Variants in ARHGEF38 observed in about 807,000 individuals in gnomAD.
ARHGEF38 encodes the protein Rho guanine nucleotide exchange factor 38, also known as Rho guanine nucleotide exchange factor (GEF) 38.
In ARHGEF38, 79 loss-of-function variants were observed where a neutral mutation model predicts 79.9. The observed-to-expected ratio is 0.99, with a 90% confidence interval of 0.82 to 1.19. ARHGEF38 has a LOEUF of 1.19. ARHGEF38 is among the 50% of genes most tolerant of loss of function. ARHGEF38 has a pLI of 0.00. For missense variants in ARHGEF38, 962 were observed against 907.2 expected, an observed-to-expected ratio of 1.06 and a Z score of -0.78; for synonymous variants, 366 against 328.3, an observed-to-expected ratio of 1.11 and a Z score of -1.24.
At position 105,654,186 on chromosome 4, in the gene ARHGEF38, T is replaced by A. The variant is rs748481386; in HGVS notation, c.1113+17T>A. On this transcript the variant is annotated intron_variant, in intron 8 of 13. Transcript: ENST00000420470. The stretch of plus-strand genomic sequence containing the variant: ...CACATACAGGTAGGTGAGACACAAC[T>A]GTTTTCAGTGTTCTACAGGAACATC... 7.3e-7 allele frequency: 1 copy of A among 1,363,658 alleles called. No individual in the cohort carries two copies. Among genetic ancestry groups the A allele is most frequent in the Non-Finnish European group, 9.9e-7 (1 of 1,014,610 alleles). 84.5% of individuals were successfully genotyped at this position (1,363,658 alleles called of 1,614,324 possible).
intron 4 of ARHGEF38, chr4:105,631,274 T>G: frequency 1.7e-6 from 2 of 1,173,076 alleles, no homozygotes; most frequent in Non-Finnish European, 2.1e-6. Context: ...TTTAGAGCTC[T>G]GCAGCGATTG....
chr4:105,656,205 C>T (rs866163386), intron 9 of ARHGEF38, among the ~76,000 whole-genome samples: 1 of 152,022 alleles, frequency 6.6e-6, no homozygotes, highest in Admixed American at 6.6e-5. Context: ...AAGGGGCACA[C>T]CACCACACCT....
chr4:105,585,726 C>CTTTTCTTT (rs1727003871), intron 1 of ARHGEF38, among the ~76,000 whole-genome samples: 1 of 71,504 alleles, frequency 1.4e-5, no homozygotes, highest in Admixed American at 2.6e-4. Flanking sequence ...CCCTCCGTTG[C>CTTTTCTTT]TTTTTTTTTT....
chr4:105,639,402 C>T (rs977278478), intron 5 of ARHGEF38, among the ~76,000 whole-genome samples: 8 of 151,846 alleles, frequency 5.3e-5, no homozygotes, highest in African/African-American at 1.9e-4. Flanking sequence ...TTTAAATAGA[C>T]ATCATTTTTT....
At chr4:105,559,609 A>T (rs1467063926) in intron 1 of ARHGEF38, among the ~76,000 whole-genome samples, 1 of 152,178 alleles carries the variant, frequency 6.6e-6, no homozygotes, top group Non-Finnish European at 1.5e-5. Flanking sequence ...GATTGTTATA[A>T]AATATATTTA....
chr4:105,609,797 A>T (rs1370288718), intron 2 of ARHGEF38, among the ~76,000 whole-genome samples: 1 of 152,112 alleles, frequency 6.6e-6, no homozygotes. Flanking sequence ...TTGCCAGTTG[A>T]AACACTGGCC....
intron 2 of ARHGEF38, among the ~76,000 whole-genome samples, chr4:105,611,404 T>C (rs1231250356): frequency 1.3e-5 from 2 of 152,168 alleles, no homozygotes; most frequent in East Asian, 3.9e-4. Context: ...AGAGTTATTA[T>C]ACCTTTGTGG....
intron 2 of ARHGEF38, among the ~76,000 whole-genome samples, chr4:105,597,527 G>A (rs1273118250): frequency 6.6e-6 from 1 of 152,068 alleles, no homozygotes; most frequent in Non-Finnish European, 1.5e-5. Flanking sequence ...TTTTCTGATT[G>A]TAGTCTGGGC....
chr4:105,653,672 A>G (rs186382792), intron 7 of ARHGEF38, among the ~76,000 whole-genome samples: 14 of 152,384 alleles, frequency 9.2e-5, no homozygotes, highest in African/African-American at 3.1e-4. Context: ...AATGAATCAT[A>G]CGAACAAAAC....
intron 1 of ARHGEF38, among the ~76,000 whole-genome samples, chr4:105,562,065 G>A (rs1193919281): frequency 2.6e-5 from 4 of 152,220 alleles, no homozygotes; most frequent in Middle Eastern, 3.4e-3. Context: ...TACAGGGAGG[G>A]CACTTTTCTC....
chr4:105,576,719 T>A (rs1726520534), intron 1 of ARHGEF38, among the ~76,000 whole-genome samples: 1 of 152,176 alleles, frequency 6.6e-6, no homozygotes, highest in Non-Finnish European at 1.5e-5. Flanking sequence ...TGAATAGGAA[T>A]GGTAAAAGTG....
At chr4:105,648,491 A>C (rs1729949288) in intron 6 of ARHGEF38, 58 bp from the exon 7 acceptor site, 1 of 1,389,550 alleles carries the variant, frequency 7.2e-7, no homozygotes, top group African/African-American at 1.5e-5. Flanking sequence ...CTTTGGGTGA[A>C]GTGCACACTT....
At chr4:105,573,825 C>A (rs1428348607) in intron 1 of ARHGEF38, among the ~76,000 whole-genome samples, 2 of 151,798 alleles carry the variant, frequency 1.3e-5, no homozygotes. Context: ...GTATTGACGG[C>A]TTAACAATAT....
chr4:105,674,568 A>T (rs925184347), intron 13 of ARHGEF38, among the ~76,000 whole-genome samples: 2 of 152,118 alleles, frequency 1.3e-5, no homozygotes, highest in Non-Finnish European at 1.5e-5. Flanking sequence ...AGGAGACTTA[A>T]AAAAGAGACT....
intron 2 of ARHGEF38, 22 bp from the exon 3 acceptor site, chr4:105,613,362 T>A: frequency 6.2e-7 from 1 of 1,608,604 alleles, no homozygotes; most frequent in East Asian, 2.2e-5. Context: ...CTCCATCAGC[T>A]CAATGTTTTT....
At chr4:105,660,923 G>T (rs1034339829) in intron 10 of ARHGEF38, among the ~76,000 whole-genome samples, 1 of 151,920 alleles carries the variant, frequency 6.6e-6, no homozygotes, top group Admixed American at 6.6e-5. Flanking sequence ...TGCAGCCATT[G>T]CCACAACCAA....
chr4:105,680,733 C>T lies in ARHGEF38; in HGVS notation c.*2796C>T, dbSNP rs1005316025. On this transcript the variant is annotated 3_prime_UTR_variant, in exon 14 of 14. Coordinates refer to ENST00000420470, the MANE Select transcript of ARHGEF38 (RefSeq NM_001242729.2). Reference sequence around the variant, plus strand: ...TATACGTGTGCACACATTATCTATACAAAGAGCCATACTCAGTGAAAGATA... The same window carrying T: ...TATACGTGTGCACACATTATCTATATAAAGAGCCATACTCAGTGAAAGATA... 7 of 152,094 alleles carry T rather than the reference C, an allele frequency of 4.6e-5. No homozygotes were observed. The highest frequency in any genetic ancestry group is 1.7e-4 in the African/African-American group (7 of 41,398). The allele number at this position is 152,094 out of a possible 1,614,324, so 9.4% of individuals were successfully genotyped here.
At chr4:105,633,348 C>T (rs1371478136) in intron 4 of ARHGEF38, among the ~76,000 whole-genome samples, 2 of 152,134 alleles carry the variant, frequency 1.3e-5, no homozygotes, top group Non-Finnish European at 2.9e-5. Flanking sequence ...ATAATACTGA[C>T]CTCAATCGAG....
At position 105,666,435 on chromosome 4, in the gene ARHGEF38, A is replaced by G. The variant is rs142887787; in HGVS notation, c.1689+115A>G. 858 of 1,149,714 alleles carry G rather than the reference A, an allele frequency of 7.5e-4. 6 individuals are homozygous for G. The African/African-American group carries it at 8.0e-3, about 11-fold the overall frequency. The allele number at this position is 1,149,714 out of a possible 1,614,324, so 71.2% of individuals were successfully genotyped here. On this transcript the variant is annotated intron_variant, in intron 11 of 13. Transcript: ENST00000420470. ...CTCATTCTAATATCCTATAATTTAC[A>G]TATGTGTAGAATTTCTTGTACATTT...
Sources: gnomAD v4.1 joint callset for allele counts (sites outside exome capture counted in the v4.1 genomes callset) on GRCh38, gnomAD v4.1.1 for gene constraint, MANE v1.5 for transcripts, NCBI Gene and HGNC (gene_info 2026-07-23, HGNC 2026-07-21) for gene names.